DHRS4: variants seen among roughly 807,000 people sequenced by gnomAD.
DHRS4 encodes dehydrogenase/reductase SDR family member 4.
A neutral mutation model predicts 28.4 loss-of-function variants in DHRS4; 20 were observed. The ratio of observed to expected loss-of-function variants is 0.71; its 90% CI spans 0.50 to 1.02. The LOEUF (loss-of-function observed/expected upper bound fraction) is 1.02, where lower values mean the gene tolerates loss of function less well. Among genes scored for constraint, DHRS4 ranks in the 50% least tolerant of loss-of-function variants. The pLI is 0.00. For synonymous variants in DHRS4, 144 were observed against 146.4 expected (o/e 0.98, Z 0.12); for missense variants, 378 against 367.2 (o/e 1.03, Z -0.24).
In DHRS4 at chr14:23,959,916, T is replaced by C. The variant is rs1277660203; in HGVS notation, c.321T>C (p.His107=). 6.2e-7 allele frequency: 1 copy of C among 1,613,028 alleles called. No individual in the cohort carries two copies. Among genetic ancestry groups the C allele is most frequent in the African/African-American group, 1.3e-5 (1 of 74,376 alleles). The change falls in exon 3 of 8, where the codon CAT becomes CAC. Residue 107 remains histidine (H), a synonymous_variant. Transcript: ENST00000313250. ...ERLVATAVKL[H]GGIDILVSNA... Reference sequence around the variant, plus strand: ...CCTCTCTCTAGGCTGTGAAGCTTCATGGAGGTATCGATATCCTAGTCTCCA... The same window carrying C: ...CCTCTCTCTAGGCTGTGAAGCTTCACGGAGGTATCGATATCCTAGTCTCCA...
intron 3 of DHRS4, 111 bp downstream of exon 3, chr14:23,960,114 C>A (rs1594423839): frequency 9.7e-7 from 1 of 1,027,240 alleles, no homozygotes. Context: ...AATGTGAGGA[C>A]TCTTTGCCAC....
In DHRS4 at chr14:23,961,828, TTAAAATA is replaced by T. The variant is rs1462342287; in HGVS notation, c.408+1826_408+1832del. On this transcript the variant is annotated intron_variant, in intron 3 of 7. Coordinates refer to ENST00000313250, the MANE Select transcript of DHRS4 (RefSeq NM_021004.4). ...ACACACAGCCAGATTCTGATAGTCT[TTAAAATA>T]GAGGAGCATCATTCATGAACAGTCT... Among the ~76,000 whole-genome samples, 8 of 144,948 alleles carry T rather than the reference TTAAAATA, an allele frequency of 5.5e-5. 1 individual carries two copies. The East Asian group carries it at 1.7e-3, about 31-fold the overall frequency.
chr14:23,960,193 C>T (rs965062664), intron 3 of DHRS4, among the ~76,000 whole-genome samples, 190 bp downstream of exon 3: 25 of 151,972 alleles, frequency 1.6e-4, no homozygotes, highest in Non-Finnish European at 2.5e-4. Flanking sequence ...CCTTCTCATT[C>T]GTTTCTGCTA....
intron 6 of DHRS4, among the ~76,000 whole-genome samples, chr14:23,966,951 C>G (rs1386892077): frequency 6.6e-6 from 1 of 152,194 alleles, no homozygotes; most frequent in Admixed American, 6.5e-5. Context: ...GTCAGGAGGT[C>G]GAGACCATCT....
chr14:23,954,098 C>A, intron 1 of DHRS4, 182 bp downstream of exon 1: 1 of 919,378 alleles, frequency 1.1e-6, no homozygotes, highest in South Asian at 1.7e-5. Flanking sequence ...CTGGACCCTC[C>A]CTTGCCAGCC....
At chr14:23,954,113 T>C in intron 1 of DHRS4, 197 bp downstream of exon 1, 1 of 801,242 alleles carries the variant, frequency 1.2e-6, no homozygotes, top group Non-Finnish European at 1.9e-6. Context: ...CCAGCCCTCC[T>C]GTCCCTGCTA....
chr14:23,964,205 C>G (rs72488277), intron 3 of DHRS4, among the ~76,000 whole-genome samples: 33,493 of 86,960 alleles, frequency 0.39, 8,110 homozygotes, highest in African/African-American at 0.7. Context: ...AGGGTTGCCA[C>G]GAAACTGCAA....
intron 2 of DHRS4, among the ~76,000 whole-genome samples, chr14:23,956,528 G>A (rs919791613): frequency 6.6e-6 from 1 of 151,668 alleles, no homozygotes; most frequent in African/African-American, 2.4e-5. Flanking sequence ...CCACAGTGGA[G>A]AGCACAGGCT....
In DHRS4 at chr14:23,967,511, G is replaced by A. The variant is rs376928781; in HGVS notation, c.722+245G>A. The A allele has an allele frequency of 9.3e-5, 69 of 741,616 alleles. No homozygotes were observed. The East Asian group carries it at 1.1e-3, about 12-fold the overall frequency. 45.9% of individuals were successfully genotyped at this position (741,616 alleles called of 1,614,324 possible). ...TGCAGAGCTCTGGGAGAAGCCCTGAGTCCTCTCTCCACCTGGGGGATTGCC... is the reference window on the plus strand; with the variant it reads ...TGCAGAGCTCTGGGAGAAGCCCTGAATCCTCTCTCCACCTGGGGGATTGCC... On this transcript the variant is annotated intron_variant, in intron 7 of 7. Transcript: ENST00000313250.
At chr14:23,958,919 A>T (rs2033285005) in intron 2 of DHRS4, among the ~76,000 whole-genome samples, 1 of 152,174 alleles carries the variant, frequency 6.6e-6, no homozygotes, top group South Asian at 2.1e-4. Context: ...TCTTGAGAAA[A>T]TTCTCTGAAC....
intron 2 of DHRS4, among the ~76,000 whole-genome samples, chr14:23,959,566 A>G (rs1331717114): frequency 6.6e-6 from 1 of 152,196 alleles, no homozygotes; most frequent in Non-Finnish European, 1.5e-5. Context: ...TAAAAAAGAA[A>G]GAAGCCAACC....
intron 2 of DHRS4, among the ~76,000 whole-genome samples, chr14:23,958,810 C>T (rs1307759406): frequency 6.6e-6 from 1 of 152,208 alleles, no homozygotes; most frequent in Non-Finnish European, 1.5e-5. Context: ...CACTAACTAG[C>T]TTTGTGCCCT....
At chr14:23,957,974 G>A (rs1193235165) in intron 2 of DHRS4, among the ~76,000 whole-genome samples, 2 of 151,420 alleles carry the variant, frequency 1.3e-5, no homozygotes, top group African/African-American at 2.4e-5. Flanking sequence ...ATGTCTCCAG[G>A]TGATTCTAGA....
chr14:23,955,499 T>TA (rs1417032932), intron 2 of DHRS4, among the ~76,000 whole-genome samples: 1 of 152,192 alleles, frequency 6.6e-6, no homozygotes, highest in African/African-American at 2.4e-5. Context: ...AATCACAAAA[T>TA]ACATGTTCCC....
At position 23,964,881 on chromosome 14, in the gene DHRS4, G is replaced by C. The variant is rs138493979; in HGVS notation, c.409-881G>C. Among the ~76,000 whole-genome samples, 1,371 of 150,760 alleles carry C rather than the reference G, an allele frequency of 9.1e-3. 18 individuals are homozygous for C. Among genetic ancestry groups the C allele is most frequent in the Middle Eastern group, 0.014 (4 of 292 alleles). On this transcript the variant is annotated intron_variant, in intron 3 of 7. Transcript: ENST00000313250. ...CATGAGCCACCATGCCCAGCCCTGAGTTTGTTTTTTTTTTTTAATTTACAT... is the reference window on the plus strand; with the variant it reads ...CATGAGCCACCATGCCCAGCCCTGACTTTGTTTTTTTTTTTTAATTTACAT...
At chr14:23,958,496 G>T (rs1007015721) in intron 2 of DHRS4, among the ~76,000 whole-genome samples, 6 of 152,146 alleles carry the variant, frequency 3.9e-5, no homozygotes, top group African/African-American at 1.2e-4. Flanking sequence ...CATTACTCTA[G>T]CACAGGCCTC....
rs1227868005 is a variant in DHRS4 at position 23,955,322 on chromosome 14, A to G, written c.306+110A>G. 132 of 1,441,642 alleles carry G rather than the reference A, an allele frequency of 9.2e-5. No individual in the cohort carries two copies. The South Asian group carries it at 9.6e-4, about 11-fold the overall frequency. 89.3% of individuals were successfully genotyped at this position (1,441,642 alleles called of 1,614,324 possible). A position where few individuals can be genotyped will look rare whatever the true frequency, so the allele number is the denominator to read the frequency against. On this transcript the variant is annotated intron_variant, in intron 2 of 7. Coordinates refer to ENST00000313250, the MANE Select transcript of DHRS4 (RefSeq NM_021004.4). ...GCACATTTTTACTGTGTGCCTTTCT[A>G]TTATGTCCATATACTAACGTCAGAG...
intron 3 of DHRS4, among the ~76,000 whole-genome samples, chr14:23,964,220 T>TAA (rs71119059): frequency 0.016 from 541 of 34,362 alleles, 46 homozygotes; most frequent in Middle Eastern, 0.025. Flanking sequence ...CTGCAATTTG[T>TAA]AAAAAAAAAA....
At chr14:23,962,481 T>TCC (rs2033452629) in intron 3 of DHRS4, among the ~76,000 whole-genome samples, 1 of 151,574 alleles carries the variant, frequency 6.6e-6, no homozygotes, top group South Asian at 2.1e-4. Context: ...AGAAATAGAT[T>TCC]CCATCCCAAG....
Sources: gnomAD v4.1 joint callset for allele counts (sites outside exome capture counted in the v4.1 genomes callset) on GRCh38, gnomAD v4.1.1 for gene constraint, MANE v1.5 for transcripts, NCBI Gene and HGNC (gene_info 2026-07-23, HGNC 2026-07-21) for gene names.